The following CENPP variants were observed in gnomAD, a reference collection of about 807,000 sequenced individuals.
The protein encoded by CENPP is centromere protein P.
A neutral mutation model predicts 35.6 loss-of-function variants in CENPP; 24 were observed. The ratio of observed to expected loss-of-function variants is 0.67; its 90% CI spans 0.49 to 0.95. The LOEUF (loss-of-function observed/expected upper bound fraction) is 0.95, where lower values mean the gene tolerates loss of function less well. CENPP is among the 40% of genes least tolerant of loss of function. CENPP has a pLI of 0.00. For missense variants in CENPP, 332 were observed against 345.3 expected (o/e 0.96, Z 0.31); for synonymous variants, 120 against 125.5 (o/e 0.96, Z 0.29).
chr9:92,433,391 C>T (rs1588126819), intron 5 of CENPP, among the ~76,000 whole-genome samples: 1 of 152,140 alleles, frequency 6.6e-6, no homozygotes, highest in Non-Finnish European at 1.5e-5. Flanking sequence ...AATCAGTTTT[C>T]GGTTTGACTG....
intron 5 of CENPP, among the ~76,000 whole-genome samples, chr9:92,471,109 C>CTGATGTGCAACCACTGATGTGCAGCTT (rs1845496200): frequency 1.3e-5 from 2 of 152,092 alleles, no homozygotes; most frequent in Admixed American, 1.3e-4. Flanking sequence ...TGTTGATGTA[C>CTGATGTGCAACCACTGATGTGCAGCTT]CTTTGGCTGA....
chr9:92,459,328 C>T (rs1344371790), intron 5 of CENPP, among the ~76,000 whole-genome samples: 2 of 152,252 alleles, frequency 1.3e-5, no homozygotes, highest in Non-Finnish European at 2.9e-5. Flanking sequence ...CCTGCCTCTG[C>T]GTAGCCACCC....
chr9:92,352,684 C>T (rs745440123), intron 4 of CENPP, among the ~76,000 whole-genome samples: 1 of 150,902 alleles, frequency 6.6e-6, no homozygotes, highest in African/African-American at 2.5e-5. Flanking sequence ...AGGAAGCATC[C>T]ACCACAGGAG....
Position 92,619,444 on chromosome 9 carries a change from C to G in CENPP, c.*6295C>G. The G allele has an allele frequency of 6.7e-7, 1 of 1,488,936 alleles. No homozygotes were observed. The highest frequency in any genetic ancestry group is 1.2e-5 in the South Asian group (1 of 83,136). The allele number at this position is 1,488,936 out of a possible 1,614,324, so 92.2% of individuals were successfully genotyped here. On this transcript the variant is annotated 3_prime_UTR_variant, in exon 8 of 8. Coordinates refer to ENST00000375587, the MANE Select transcript of CENPP (RefSeq NM_001012267.3). The stretch of plus-strand genomic sequence containing the variant: ...ACAATTCACCAACTGTCCATAAAAC[C>G]CCGTTAGACCCAGGCTGCATGCCTT...
chr9:92,547,332 C>T (rs1849490189), intron 5 of CENPP, among the ~76,000 whole-genome samples: 1 of 152,198 alleles, frequency 6.6e-6, no homozygotes, highest in South Asian at 2.1e-4. Flanking sequence ...ACACATATGT[C>T]CACATGAAAA....
In CENPP at chr9:92,389,789, A is replaced by G. The variant is rs1208455854; in HGVS notation, c.564+9930A>G. The G allele has an allele frequency of 4.6e-6, 5 of 1,078,566 alleles. No individual in the cohort carries two copies. The African/African-American group carries it at 7.9e-5, about 17-fold the overall frequency. The allele number at this position is 1,078,566 out of a possible 1,614,324, so 66.8% of individuals were successfully genotyped here. On this transcript the variant is annotated intron_variant, in intron 5 of 7. Coordinates refer to ENST00000375587, the MANE Select transcript of CENPP (RefSeq NM_001012267.3). The stretch of plus-strand genomic sequence containing the variant: ...GTAATCAAAATACAATTCTAGACCA[A>G]AGTTTCTCTTTTATCTATCATATCA...
At chr9:92,335,758 C>T (rs1195230121) in intron 2 of CENPP, among the ~76,000 whole-genome samples, 1 of 152,172 alleles carries the variant, frequency 6.6e-6, no homozygotes, top group Non-Finnish European at 1.5e-5. Context: ...TATACTCTTT[C>T]ACTAATACCA....
At chr9:92,442,803 C>G (rs1333021135) in intron 5 of CENPP, among the ~76,000 whole-genome samples, 2 of 151,044 alleles carry the variant, frequency 1.3e-5, no homozygotes, top group African/African-American at 2.4e-5. Context: ...GAGCCGAGAT[C>G]ACGCCACTGC....
At chr9:92,551,404 C>T (rs1247013400) in intron 5 of CENPP, among the ~76,000 whole-genome samples, 1 of 152,126 alleles carries the variant, frequency 6.6e-6, no homozygotes, top group East Asian at 1.9e-4. Flanking sequence ...GTGGCACAAC[C>T]ATGGCTTACT....
intron 5 of CENPP, chr9:92,385,536 A>G (rs1020896233): frequency 1.3e-5 from 15 of 1,179,226 alleles, no homozygotes; most frequent in Non-Finnish European, 2.4e-6. Context: ...TTAATATTAA[A>G]CCAATACTTA....
chr9:92,358,267 G>A (rs1374545920), intron 4 of CENPP, among the ~76,000 whole-genome samples: 2 of 150,354 alleles, frequency 1.3e-5, no homozygotes, highest in African/African-American at 4.9e-5. Flanking sequence ...CTTTTTAATG[G>A]AGTTTCCCTC....
intron 5 of CENPP, among the ~76,000 whole-genome samples, chr9:92,596,983 C>A (rs1402513430): frequency 6.6e-6 from 1 of 152,054 alleles, no homozygotes; most frequent in Admixed American, 6.6e-5. Context: ...AATGTTTTTT[C>A]TGCTACCATC....
At chr9:92,382,399 T>C (rs1361610061) in intron 5 of CENPP, among the ~76,000 whole-genome samples, 1 of 152,114 alleles carries the variant, frequency 6.6e-6, no homozygotes, top group Non-Finnish European at 1.5e-5. Flanking sequence ...TCTAGCTATT[T>C]GAAACTATAT....
intron 5 of CENPP, among the ~76,000 whole-genome samples, chr9:92,587,014 C>A (rs1338067686): frequency 6.6e-6 from 1 of 151,364 alleles, no homozygotes; most frequent in Non-Finnish European, 1.5e-5. Flanking sequence ...GGGGCGGGGG[C>A]ACATGGGAAT....
chr9:92,589,492 T>C (rs1386759140), intron 5 of CENPP, among the ~76,000 whole-genome samples: 1 of 151,948 alleles, frequency 6.6e-6, no homozygotes, highest in African/African-American at 2.4e-5. Flanking sequence ...TATTGGAAGA[T>C]ATGCCCTTGT....
chr9:92,598,404 A>G (rs773838921), intron 5 of CENPP, among the ~76,000 whole-genome samples: 1 of 152,246 alleles, frequency 6.6e-6, no homozygotes, highest in Non-Finnish European at 1.5e-5. Context: ...TTCCAGTGAG[A>G]AAACCCTCCA....
Position 92,496,815 on chromosome 9 carries a change from CTT to C in CENPP, c.565-114498_565-114497del, listed in dbSNP as rs199834335. Among the ~76,000 whole-genome samples the C allele has an allele frequency of 7.1e-3, 1,084 of 152,188 alleles. 11 individuals are homozygous for C. Among genetic ancestry groups the C allele is most frequent in the African/African-American group, 0.022 (913 of 41,540 alleles). On this transcript the variant is annotated intron_variant, in intron 5 of 7. Transcript: ENST00000375587. ...AACATGACAAAGAAGGAGAAAGTAACTTATATCGCAGATACAAAGGCTTCCTA... is the reference window on the plus strand; with the variant it reads ...AACATGACAAAGAAGGAGAAAGTAACATATCGCAGATACAAAGGCTTCCTA...
intron 5 of CENPP, among the ~76,000 whole-genome samples, chr9:92,500,319 A>G (rs1394432350): frequency 6.6e-6 from 1 of 152,128 alleles, no homozygotes; most frequent in Non-Finnish European, 1.5e-5. Flanking sequence ...AGTAGCTGGC[A>G]TTACAGACAC....
chr9:92,391,530 C>G (rs1392072340), intron 5 of CENPP, among the ~76,000 whole-genome samples: 1 of 152,094 alleles, frequency 6.6e-6, no homozygotes, highest in Non-Finnish European at 1.5e-5. Flanking sequence ...ACCCAGGAGG[C>G]AGAGGCTGCA....
Sources: gnomAD v4.1 joint callset for allele counts (sites outside exome capture counted in the v4.1 genomes callset) on GRCh38, gnomAD v4.1.1 for gene constraint, MANE v1.5 for transcripts, NCBI Gene and HGNC (gene_info 2026-07-23, HGNC 2026-07-21) for gene names.